The following NUP210 variants were observed in gnomAD, a reference collection of about 807,000 sequenced individuals.
NUP210 encodes nuclear pore membrane glycoprotein 210.
In NUP210, 151 loss-of-function variants were observed where a neutral mutation model predicts 196.0. The ratio of observed to expected loss-of-function variants is 0.77; its 90% CI spans 0.67 to 0.88. NUP210 has a LOEUF of 0.88. Among genes scored for constraint, NUP210 ranks in the 40% least tolerant of loss-of-function variants. The pLI is 0.00. For missense variants in NUP210, 2,314 were observed against 2,493.7 expected, an observed-to-expected ratio of 0.93 and a Z score of 1.53; for synonymous variants, 1,070 against 1,052.7, an observed-to-expected ratio of 1.02 and a Z score of -0.32.
chr3:13,354,447 C>T (rs970264178), intron 16 of NUP210: 25 of 277,534 alleles, frequency 9.0e-5, no homozygotes, highest in African/African-American at 5.3e-4. Flanking sequence ...CTGCTAAACA[C>T]CCTACGATAC....
At chr3:13,419,978 G>C (rs1576437990) in intron 1 of NUP210, 82 bp downstream of exon 1, 2 of 951,080 alleles carry the variant, frequency 2.1e-6, no homozygotes, top group Non-Finnish European at 2.6e-6. Flanking sequence ...GGCTCTGCCG[G>C]CCTCCCGGCG....
rs1226224230 is a variant in NUP210, at chr3:13,358,206, C to T, written c.2328+16G>A. 4 of 1,587,880 alleles carry T rather than the reference C, an allele frequency of 2.5e-6. No homozygotes were observed. In the East Asian group the frequency reaches 9.1e-5, roughly 36 times the overall value. On this transcript the variant is annotated intron_variant, in intron 16 of 39. Transcript: ENST00000254508. ...GGTGGCACCCTCACCTCCTCCCGAG[C>T]ATAGCCCACACTCACCACCTGCTTG...
intron 3 of NUP210, among the ~76,000 whole-genome samples, chr3:13,397,145 C>T (rs924071980): frequency 5.3e-5 from 8 of 152,060 alleles, no homozygotes; most frequent in African/African-American, 1.4e-4. Flanking sequence ...CATGATTCGA[C>T]ACCACCGAGG....
rs769124897 is a variant in NUP210, at chr3:13,342,065, G to T, written c.3023C>A (p.Pro1008His). The T allele has an allele frequency of 6.2e-7, 1 of 1,614,184 alleles. No homozygotes were observed. The highest frequency in any genetic ancestry group is 2.2e-5 in the East Asian group (1 of 44,884). The change falls in exon 22 of 40, where the codon CCC (proline) becomes CAC (histidine). Residue 1008 changes from proline to histidine, a missense_variant. Transcript: ENST00000254508. ...YVRVLDLHKK[P>H]FLAKYFPFMD... ...AAAGGGGAAGTATTTGGCAAGGAAG[G>T]GCTTCTTGTGCAAGTCCAGCACGCG...
chr3:13,320,842 A>G (rs1456025456), intron 36 of NUP210, among the ~76,000 whole-genome samples: 1 of 151,040 alleles, frequency 6.6e-6, no homozygotes, highest in African/African-American at 2.4e-5. Context: ...CAGTGAGCCC[A>G]GATTGCGCCA....
At position 13,317,607 on chromosome 3, in the gene NUP210, T is replaced by C. The variant is rs1335346838; in HGVS notation, c.*74A>G. On this transcript the variant is annotated 3_prime_UTR_variant, in exon 40 of 40. Transcript: ENST00000254508. The stretch of plus-strand genomic sequence containing the variant: ...CTGGAGGGGCTTGTTCCAGTGTGAA[T>C]GCAGCAGGGATGTTCCATCTTGGGG... 3.6e-6 allele frequency: 4 copies of C among 1,109,756 alleles called. No homozygotes were observed. The highest frequency in any genetic ancestry group is 5.1e-5 in the East Asian group (2 of 39,010). 68.7% of individuals were successfully genotyped at this position (1,109,756 alleles called of 1,614,324 possible).
intron 27 of NUP210, among the ~76,000 whole-genome samples, chr3:13,336,544 T>G (rs891257774): frequency 6.6e-6 from 1 of 152,098 alleles, no homozygotes; most frequent in African/African-American, 2.4e-5. Context: ...CCCAGGACTT[T>G]TGTGACTTCC....
chr3:13,394,972 C>T (rs192987500), intron 3 of NUP210, among the ~76,000 whole-genome samples: 28 of 152,226 alleles, frequency 1.8e-4, no homozygotes, highest in Non-Finnish European at 3.8e-4. Context: ...TCACAGTGGG[C>T]GAGGAGGGAA....
intron 14 of NUP210, among the ~76,000 whole-genome samples, chr3:13,365,583 G>T (rs1295690441): frequency 6.6e-6 from 1 of 152,218 alleles, no homozygotes; most frequent in Non-Finnish European, 1.5e-5. Flanking sequence ...GACCCTGAAG[G>T]TTAGCTCTGG....
chr3:13,391,168 C>A, intron 4 of NUP210, 43 bp downstream of exon 4: 1 of 1,427,778 alleles, frequency 7.0e-7, no homozygotes, highest in East Asian at 2.4e-5. Context: ...CCCCCTTTCC[C>A]CTTCCCTTCA....
chr3:13,403,536 G>A (rs1466585091), intron 1 of NUP210, among the ~76,000 whole-genome samples: 1 of 152,186 alleles, frequency 6.6e-6, no homozygotes, highest in Non-Finnish European at 1.5e-5. Flanking sequence ...AGTCTGAGGG[G>A]ACACAGACAT....
At chr3:13,381,728 A>G (rs955882680) in intron 6 of NUP210, among the ~76,000 whole-genome samples, 5 of 152,130 alleles carry the variant, frequency 3.3e-5, no homozygotes, top group Non-Finnish European at 7.4e-5. Context: ...CATCCCTGCT[A>G]TCATCTGCAG....
At chr3:13,376,506 A>G (rs891322894) in intron 9 of NUP210, 75 bp from the exon 10 acceptor site, 69 of 1,570,960 alleles carry the variant, frequency 4.4e-5, no homozygotes, top group Admixed American at 8.5e-5. Context: ...GCACGAAGCT[A>G]CAGGACTGAA....
chr3:13,327,482 G>A, intron 31 of NUP210, 45 bp from the exon 32 acceptor site: 1 of 1,396,878 alleles, frequency 7.2e-7, no homozygotes, highest in Non-Finnish European at 1.0e-6. Context: ...CGGGAAAGAA[G>A]CTTCCAACTC....
chr3:13,334,810 C>G (rs936104563), intron 28 of NUP210, among the ~76,000 whole-genome samples: 12 of 152,212 alleles, frequency 7.9e-5, no homozygotes, highest in Admixed American at 2.6e-4. Flanking sequence ...AGACACAGGG[C>G]TGCACCCCAG....
intron 14 of NUP210, among the ~76,000 whole-genome samples, chr3:13,364,845 T>TAAAAGA (rs1179213591): frequency 6.6e-6 from 1 of 151,402 alleles, no homozygotes; most frequent in Non-Finnish European, 1.5e-5. Context: ...AATAAACAAA[T>TAAAAGA]AAAAGAAAAA....
At position 13,350,457 on chromosome 3, in the gene NUP210, CAAAACAAAACAAAACAAAACAA is replaced by C. The variant is rs58169428; in HGVS notation, c.2835+1400_2835+1421del. ...CATGAAAAAACAAAACAAAACAAAACAAAACAAAACAAAACAAAACAAAAAACAAAACAAAACAGGAAAACAT... is the reference window on the plus strand; with the variant it reads ...CATGAAAAAACAAAACAAAACAAAACAAAACAAAACAAAACAGGAAAACAT... On this transcript the variant is annotated intron_variant, in intron 20 of 39. Coordinates refer to ENST00000254508, the MANE Select transcript of NUP210 (RefSeq NM_024923.4). The surrounding 1 kb of genome is among the most constrained non-coding windows in gnomAD (Gnocchi z 4.1). Among the ~76,000 whole-genome samples the C allele has an allele frequency of 0.27, 40,740 of 150,886 alleles. 5,995 individuals are homozygous for C. The highest frequency in any genetic ancestry group is 0.34 in the Middle Eastern group (100 of 294).
At chr3:13,387,742 T>C (rs1410782042) in intron 5 of NUP210, among the ~76,000 whole-genome samples, 9 of 152,286 alleles carry the variant, frequency 5.9e-5, no homozygotes, top group Non-Finnish European at 1.0e-4. Flanking sequence ...GGACGTTGGA[T>C]AGACCCACTC....
intron 14 of NUP210, among the ~76,000 whole-genome samples, chr3:13,362,962 C>T (rs906517093): frequency 1.3e-5 from 2 of 152,188 alleles, no homozygotes; most frequent in African/African-American, 4.8e-5. Context: ...GCCCCTCAGA[C>T]ATCACTGGAT....
Sources: gnomAD v4.1 joint callset for allele counts (sites outside exome capture counted in the v4.1 genomes callset) on GRCh38, gnomAD v4.1.1 for gene constraint, Gnocchi (gnomAD v3.1) non-coding constraint, MANE v1.5 for transcripts, NCBI Gene and HGNC (gene_info 2026-07-23, HGNC 2026-07-21) for gene names.